The following IL1RAP variants were observed in gnomAD, a reference collection of about 807,000 sequenced individuals.
IL1RAP encodes the protein interleukin-1 receptor accessory protein.
A neutral mutation model predicts 60.7 loss-of-function variants in IL1RAP; 35 were observed. The observed-to-expected ratio is 0.58, with a 90% CI of 0.44 to 0.76. The LOEUF is 0.76. IL1RAP is among the 30% of genes least tolerant of loss of function. The pLI is 0.00. For synonymous variants in IL1RAP, 268 were observed against 250.9 expected (o/e 1.07, Z -0.64); for missense variants, 572 against 693.9 (o/e 0.82, Z 1.97).
At position 190,551,324 on chromosome 3, in the gene IL1RAP, T is replaced by C. The variant is rs1724844270; in HGVS notation, c.-88-4806T>C. On this transcript the variant is annotated intron_variant, in intron 1 of 11. Transcript: ENST00000447382. ...AAACAGTTTCTGCAATTGTGTCCTG[T>C]TGCAAAAGAAAAATGGATGCTTATT... Among the ~76,000 whole-genome samples the C allele has an allele frequency of 2.0e-5, 3 of 152,314 alleles. No individual in the cohort carries two copies. The South Asian group carries it at 6.2e-4, about 32-fold the overall frequency.
chr3:190,522,289 G>GCTTGCTTCCTTCCTTCCTTC (rs1481738684), intron 1 of IL1RAP, among the ~76,000 whole-genome samples: 8 of 135,364 alleles, frequency 5.9e-5, no homozygotes, highest in Non-Finnish European at 1.3e-4. Context: ...GCCTTCCTTT[G>GCTTGCTTCCTTCCTTCCTTC]CTTCCTTCCT....
At chr3:190,651,518 T>C (rs111570439), downstream of IL1RAP, 37 of 399,024 alleles carry the variant, frequency 9.3e-5, no homozygotes, top group African/African-American at 6.3e-4. Context: ...CTTTGAATTT[T>C]ATTTTGTGCA....
At chr3:190,555,577 A>G (rs1175754192) in intron 1 of IL1RAP, among the ~76,000 whole-genome samples, 1 of 152,126 alleles carries the variant, frequency 6.6e-6, no homozygotes, top group Non-Finnish European at 1.5e-5. Context: ...CAGCCTTTCC[A>G]TTTTGCATTA....
chr3:190,526,844 T>A (rs1459061156), intron 1 of IL1RAP, among the ~76,000 whole-genome samples: 1 of 152,254 alleles, frequency 6.6e-6, no homozygotes, highest in Non-Finnish European at 1.5e-5. Flanking sequence ...AGCCAAAGAT[T>A]CAATCATATA....
intron 1 of IL1RAP, among the ~76,000 whole-genome samples, chr3:190,523,729 C>T (rs554398062): frequency 9.2e-5 from 14 of 152,160 alleles, no homozygotes; most frequent in East Asian, 5.8e-4. Context: ...TAGTATTCCA[C>T]GGTGTATATG....
At chr3:190,522,328 TCCTTCCTTCCTTCCTC>T (rs1359758507) in intron 1 of IL1RAP, among the ~76,000 whole-genome samples, 2 of 129,250 alleles carry the variant, frequency 1.5e-5, no homozygotes, top group Non-Finnish European at 3.0e-5. Context: ...CTTCCTTCCT[TCCTTCCTTCCTTCCTC>T]CCTCCCTCCC....
At chr3:190,610,879 A>G (rs1260496554) in intron 5 of IL1RAP, among the ~76,000 whole-genome samples, 1 of 152,188 alleles carries the variant, frequency 6.6e-6, no homozygotes, top group Non-Finnish European at 1.5e-5. Flanking sequence ...AATAATTTGA[A>G]CCTAATTGCA....
intron 3 of IL1RAP, among the ~76,000 whole-genome samples, chr3:190,587,619 C>T (rs2108698812): frequency 6.6e-6 from 1 of 152,310 alleles, no homozygotes; most frequent in South Asian, 2.1e-4. Context: ...AGATGAATTC[C>T]TATATTCAAA....
intron 1 of IL1RAP, among the ~76,000 whole-genome samples, chr3:190,542,850 C>T (rs1724051732): frequency 6.6e-6 from 1 of 150,974 alleles, no homozygotes; most frequent in African/African-American, 2.4e-5. Context: ...TTCGAGTTAT[C>T]CACTGTAACA....
In IL1RAP at chr3:190,550,137, C is replaced by T. The variant is rs545741915; in HGVS notation, c.-88-5993C>T. 7.2e-5 allele frequency among the ~76,000 whole-genome samples: 11 copies of T among 152,350 alleles called. No homozygotes were observed. In the East Asian group the frequency reaches 2.1e-3, roughly 29 times the overall value. ...GCTTAGAGAATAGGAAGTATCTTCT[C>T]TCACCTATGCCTCTATTCCCCCTAC... On this transcript the variant is annotated intron_variant, in intron 1 of 11. Transcript: ENST00000447382.
At chr3:190,520,326 A>G (rs1421279977) in intron 1 of IL1RAP, among the ~76,000 whole-genome samples, 1 of 152,188 alleles carries the variant, frequency 6.6e-6, no homozygotes. Context: ...TATCAATAGT[A>G]TTAGTTGTGT....
At chr3:190,605,774 CA>C (rs1351709818) in intron 4 of IL1RAP, among the ~76,000 whole-genome samples, 1 of 152,028 alleles carries the variant, frequency 6.6e-6, no homozygotes, top group South Asian at 2.1e-4. Flanking sequence ...GGATGCTAGT[CA>C]TATGGGATTA....
chr3:190,602,331 A>G (rs2108748046), intron 3 of IL1RAP, among the ~76,000 whole-genome samples: 1 of 152,328 alleles, frequency 6.6e-6, no homozygotes, highest in African/African-American at 2.4e-5. Context: ...ATTCAAAAAT[A>G]GCCCTTCTAT....
chr3:190,567,724 G>A (rs1476089078), intron 3 of IL1RAP, among the ~76,000 whole-genome samples: 1 of 152,144 alleles, frequency 6.6e-6, no homozygotes, highest in Admixed American at 6.5e-5. Context: ...TGTAGGTAAG[G>A]TATATCCTTA....
intron 2 of IL1RAP, among the ~76,000 whole-genome samples, chr3:190,559,166 G>A (rs948327729): frequency 3.0e-4 from 45 of 152,184 alleles, no homozygotes; most frequent in African/African-American, 1.0e-3. Flanking sequence ...GTTGTGGAAT[G>A]TATGAGCCTG....
At chr3:190,613,093 A>T (rs1452834938) in intron 5 of IL1RAP, among the ~76,000 whole-genome samples, 1 of 152,234 alleles carries the variant, frequency 6.6e-6, no homozygotes, top group Non-Finnish European at 1.5e-5. Context: ...TCTAAGTTTC[A>T]TAAGAGTGAC....
At chr3:190,628,925 G>C (rs528109787) in intron 8 of IL1RAP, among the ~76,000 whole-genome samples, 2 of 152,224 alleles carry the variant, frequency 1.3e-5, no homozygotes, top group East Asian at 3.9e-4. Flanking sequence ...TTTTCCAAAA[G>C]AGGAACCTGA....
chr3:190,609,234 AT>A (rs1730620226), intron 5 of IL1RAP, 53 bp downstream of exon 5: 1 of 1,239,188 alleles, frequency 8.1e-7, no homozygotes, highest in Admixed American at 2.3e-5. Flanking sequence ...TAAAATGATA[AT>A]GCTTATTTGC....
intron 3 of IL1RAP, among the ~76,000 whole-genome samples, chr3:190,585,295 C>A (rs1259988025): frequency 1.3e-5 from 2 of 152,172 alleles, no homozygotes; most frequent in Non-Finnish European, 2.9e-5. Flanking sequence ...CATTGTCAAG[C>A]AAAAGGACCA....
Sources: gnomAD v4.1 joint callset for allele counts (sites outside exome capture counted in the v4.1 genomes callset) on GRCh38, gnomAD v4.1.1 for gene constraint, MANE v1.5 for transcripts, NCBI Gene and HGNC (gene_info 2026-07-23, HGNC 2026-07-21) for gene names.